Variants in PTPRE observed in about 807,000 individuals in gnomAD.
PTPRE encodes the protein receptor-type tyrosine-protein phosphatase epsilon.
In PTPRE, 51 loss-of-function variants were observed where a neutral mutation model predicts 102.0. That is an observed-to-expected ratio of 0.50 (90% confidence interval 0.40 to 0.63). PTPRE has a LOEUF of 0.63. PTPRE is among the 30% of genes least tolerant of loss of function. The probability of loss-of-function intolerance (pLI) is 0.00; values close to 1 mark genes in which losing one functional copy is unlikely to be tolerated. For missense variants in PTPRE, 752 were observed against 915.1 expected (o/e 0.82, Z 2.30); for synonymous variants, 345 against 348.2 (o/e 0.99, Z 0.10).
chr10:127,931,544 G>A (rs1260426126), intron 1 of PTPRE, among the ~76,000 whole-genome samples: 3 of 152,162 alleles, frequency 2.0e-5, no homozygotes, highest in African/African-American at 7.2e-5. Context: ...ATATGAAGAG[G>A]GATTTCCAAA....
Position 128,068,385 on chromosome 10 carries a change from C to T in PTPRE, c.1007+99C>T. 2.9e-6 allele frequency: 4 copies of T among 1,402,798 alleles called. No homozygotes were observed. In the South Asian group the frequency reaches 4.0e-5, roughly 14 times the overall value. 86.9% of individuals were successfully genotyped at this position (1,402,798 alleles called of 1,614,324 possible). A position where few individuals can be genotyped will look rare whatever the true frequency, so the allele number is the denominator to read the frequency against. Reference sequence around the variant, plus strand: ...GCCAGGGGACCAATATCAGGGTGGGCAGAGGTTTGGGCAGGGCTGATGTGA... The same window carrying T: ...GCCAGGGGACCAATATCAGGGTGGGTAGAGGTTTGGGCAGGGCTGATGTGA... On this transcript the variant is annotated intron_variant, in intron 12 of 20. Coordinates refer to ENST00000254667, the MANE Select transcript of PTPRE (RefSeq NM_006504.6).
chr10:127,925,060 C>T (rs113036265), intron 1 of PTPRE, among the ~76,000 whole-genome samples: 35 of 152,320 alleles, frequency 2.3e-4, no homozygotes, highest in African/African-American at 8.4e-4. Flanking sequence ...AATTTTGCCC[C>T]ATCTTACCTG....
At chr10:127,926,974 A>T (rs1389174607) in intron 1 of PTPRE, among the ~76,000 whole-genome samples, 2 of 151,510 alleles carry the variant, frequency 1.3e-5, no homozygotes, top group East Asian at 3.9e-4. Flanking sequence ...ACCACACCTG[A>T]CTAATTTTTG....
intron 1 of PTPRE, chr10:127,964,836 T>C (rs1850115947): frequency 6.3e-6 from 2 of 315,520 alleles, no homozygotes; most frequent in Non-Finnish European, 1.3e-5. Context: ...AGTAAGCGCT[T>C]GCAGCCAGTT....
At chr10:127,935,459 C>T (rs2135262380) in intron 1 of PTPRE, among the ~76,000 whole-genome samples, 1 of 152,280 alleles carries the variant, frequency 6.6e-6, no homozygotes, top group East Asian at 1.9e-4. Flanking sequence ...TGGATGTCCA[C>T]TGTGTCTCCA....
At chr10:127,981,878 T>C (rs1044784232) in intron 1 of PTPRE, among the ~76,000 whole-genome samples, 1 of 151,896 alleles carries the variant, frequency 6.6e-6, no homozygotes, top group Non-Finnish European at 1.5e-5. Context: ...AAGATTAAGC[T>C]AGAAAGCTGG....
chr10:128,012,953 G>A (rs1375028486), intron 2 of PTPRE, among the ~76,000 whole-genome samples: 1 of 152,146 alleles, frequency 6.6e-6, no homozygotes, highest in South Asian at 2.1e-4. Context: ...TTCTATTACT[G>A]GCTCTTGGTC....
At chr10:127,959,491 C>G (rs895313980) in intron 1 of PTPRE, among the ~76,000 whole-genome samples, 1 of 152,162 alleles carries the variant, frequency 6.6e-6, no homozygotes, top group Admixed American at 6.5e-5. Flanking sequence ...AAATATACAT[C>G]CCCAATAACT....
At chr10:128,049,496 C>A (rs747089777) in intron 5 of PTPRE, 34 bp from the exon 6 acceptor site, 4 of 1,610,716 alleles carry the variant, frequency 2.5e-6, no homozygotes, top group Non-Finnish European at 3.4e-6. Flanking sequence ...AGGAATGTGG[C>A]TAAATGGCCC....
intron 1 of PTPRE, among the ~76,000 whole-genome samples, chr10:127,960,008 T>C (rs948256148): frequency 6.6e-5 from 10 of 152,280 alleles, no homozygotes; most frequent in African/African-American, 2.4e-4. Context: ...AGAATGTAAC[T>C]CTTTGGGGAA....
At chr10:128,065,035 A>G (rs915376453) in intron 10 of PTPRE, among the ~76,000 whole-genome samples, 3 of 152,212 alleles carry the variant, frequency 2.0e-5, no homozygotes, top group African/African-American at 7.2e-5. Context: ...CATAGGGCCA[A>G]GACTCACCCA....
intron 2 of PTPRE, among the ~76,000 whole-genome samples, chr10:127,991,359 C>T (rs1007070492): frequency 3.3e-5 from 5 of 152,180 alleles, no homozygotes; most frequent in African/African-American, 1.2e-4. Context: ...TGTATATTTT[C>T]CGCCTGCTGA....
rs1038361036 is a variant in PTPRE, at chr10:127,931,037, C to T, written c.-31+23728C>T. 3.9e-4 allele frequency among the ~76,000 whole-genome samples: 59 copies of T among 152,066 alleles called. 1 individual carries two copies. Among genetic ancestry groups the T allele is most frequent in the Admixed American group, 2.9e-3 (44 of 15,248 alleles). On this transcript the variant is annotated intron_variant, in intron 1 of 20. Transcript: ENST00000254667. ...CAATCTCCTGACCTCGTGATCCACC[C>T]GCCTCGGCCTTCCAAAGTGCTGGGA...
intron 19 of PTPRE, 127 bp from the exon 20 acceptor site, chr10:128,079,429 TTCAG>T: frequency 1.6e-6 from 2 of 1,239,490 alleles, no homozygotes; most frequent in Non-Finnish European, 1.1e-6. Context: ...CAAAAAAAAA[TTCAG>T]TCAAACTCAG....
Position 127,982,296 on chromosome 10 carries a change from G to A in PTPRE, c.-8G>A, listed in dbSNP as rs774996556. 1.1e-4 allele frequency: 142 copies of A among 1,262,124 alleles called. 4 individuals are homozygous for A. The South Asian group carries it at 1.2e-3, about 10-fold the overall frequency. 78.2% of individuals were successfully genotyped at this position (1,262,124 alleles called of 1,614,324 possible). ...CAGACTATAGCCTTCACTTTCCCTC[G>A]GTGAGTACAAAACTTTTTAAAAATT... is the stretch of plus-strand genomic sequence containing the variant. On this transcript the variant is annotated splice_region_variant and 5_prime_UTR_variant, in exon 2 of 21. Coordinates refer to ENST00000254667, the MANE Select transcript of PTPRE (RefSeq NM_006504.6).
At chr10:127,971,186 G>A (rs1319930105) in intron 1 of PTPRE, among the ~76,000 whole-genome samples, 2 of 152,184 alleles carry the variant, frequency 1.3e-5, no homozygotes, top group African/African-American at 4.8e-5. Flanking sequence ...GTCCATACGA[G>A]GCTAATGTGA....
At chr10:127,957,175 C>T (rs1849464096) in intron 1 of PTPRE, among the ~76,000 whole-genome samples, 1 of 151,950 alleles carries the variant, frequency 6.6e-6, no homozygotes, top group Non-Finnish European at 1.5e-5. Context: ...AGATTTTTTT[C>T]TGTTATTTTC....
rs561729324 is a variant in PTPRE at position 128,046,448 on chromosome 10, G to A, written c.110-942G>A. Reference sequence around the variant, plus strand: ...CTTCGAGGGGCTTCCCCAGAAACCCGGGAGCCAAGGCAGTCATGCTGAGGC... The same window carrying A: ...CTTCGAGGGGCTTCCCCAGAAACCCAGGAGCCAAGGCAGTCATGCTGAGGC... On this transcript the variant is annotated intron_variant, in intron 3 of 20. Transcript: ENST00000254667. Among the ~76,000 whole-genome samples the A allele has an allele frequency of 9.2e-5, 14 of 152,334 alleles. No homozygotes were observed. In the South Asian group the frequency reaches 2.3e-3, roughly 25 times the overall value.
chr10:127,989,071 A>G (rs1038245195), intron 2 of PTPRE, among the ~76,000 whole-genome samples: 1 of 152,208 alleles, frequency 6.6e-6, no homozygotes, highest in Non-Finnish European at 1.5e-5. Flanking sequence ...ATATGTTGAT[A>G]GTATTTAACT....
Sources: allele counts gnomAD v4.1 joint callset (sites outside exome capture counted in the v4.1 genomes callset), GRCh38; gene constraint gnomAD v4.1.1; transcripts MANE v1.5; gene names NCBI Gene and HGNC (gene_info 2026-07-23, HGNC 2026-07-21).